SORCS2: variants seen among roughly 807,000 people sequenced by gnomAD.
SORCS2 encodes the protein VPS10 domain-containing receptor SorCS2.
SORCS2 carries 100 observed loss-of-function variants against 141.6 expected under a neutral mutation model. That is an observed-to-expected ratio of 0.71 (90% CI 0.60 to 0.83). SORCS2 has a LOEUF of 0.83. SORCS2 is among the 40% of genes least tolerant of loss of function. SORCS2 has a pLI of 0.00. For synonymous variants in SORCS2, 789 were observed against 676.9 expected, an observed-to-expected ratio of 1.17 and a Z score of -2.57; for missense variants, 1,646 against 1,560.2, an observed-to-expected ratio of 1.05 and a Z score of -0.93.
intron 1 of SORCS2, among the ~76,000 whole-genome samples, chr4:7,388,526 C>T (rs990820330): frequency 4.6e-5 from 7 of 152,096 alleles, no homozygotes; most frequent in South Asian, 2.1e-4. Context: ...TTGAAATCTC[C>T]CAGTCTCCCT....
At chr4:7,473,558 A>C (rs1730109114) in intron 2 of SORCS2, among the ~76,000 whole-genome samples, 1 of 152,212 alleles carries the variant, frequency 6.6e-6, no homozygotes, top group South Asian at 2.1e-4. Context: ...GGCAGGTGGA[A>C]GCCTAAGAAT....
At chr4:7,219,872 C>T (rs918834406) in intron 1 of SORCS2, among the ~76,000 whole-genome samples, 1 of 152,260 alleles carries the variant, frequency 6.6e-6, no homozygotes, top group Non-Finnish European at 1.5e-5. Context: ...TTGCCCGCAG[C>T]AGCCGCACTG....
chr4:7,486,756 G>A lies in SORCS2; in HGVS notation c.549-44774G>A, dbSNP rs567500721. On this transcript the variant is annotated intron_variant, in intron 2 of 26. Coordinates refer to ENST00000507866, the MANE Select transcript of SORCS2 (RefSeq NM_020777.3). Reference sequence around the variant, plus strand: ...GTGGCTCCAGGTGTGCGTGCCCCCAGCCTCTACAGCTGCCCTCCCATGGTG... The same window carrying A: ...GTGGCTCCAGGTGTGCGTGCCCCCAACCTCTACAGCTGCCCTCCCATGGTG... 3.3e-5 allele frequency among the ~76,000 whole-genome samples: 5 copies of A among 152,314 alleles called. No individual in the cohort carries two copies. In the East Asian group the frequency reaches 9.7e-4, roughly 29 times the overall value.
chr4:7,363,339 A>G (rs1239834677), intron 1 of SORCS2, among the ~76,000 whole-genome samples: 1 of 152,068 alleles, frequency 6.6e-6, no homozygotes, highest in Non-Finnish European at 1.5e-5. Flanking sequence ...CATCAATACT[A>G]TCACCACCAC....
At chr4:7,439,067 T>A (rs528676032) in intron 2 of SORCS2, among the ~76,000 whole-genome samples, 1 of 152,092 alleles carries the variant, frequency 6.6e-6, no homozygotes, top group East Asian at 1.9e-4. Flanking sequence ...GAAACCAAGA[T>A]CTGGATATGA....
intron 1 of SORCS2, among the ~76,000 whole-genome samples, chr4:7,344,527 G>A (rs1720543313): frequency 6.6e-6 from 1 of 152,232 alleles, no homozygotes; most frequent in African/African-American, 2.4e-5. Flanking sequence ...CCCACTGGAG[G>A]GCAATGTGCC....
chr4:7,611,487 G>C (rs1718403314), intron 3 of SORCS2, among the ~76,000 whole-genome samples: 2 of 152,168 alleles, frequency 1.3e-5, no homozygotes, highest in Admixed American at 6.5e-5. Flanking sequence ...GTTGGGAGCA[G>C]GTCTCTGGTT....
Position 7,608,116 on chromosome 4 carries a change from T to G in SORCS2, c.649-30212T>G, listed in dbSNP as rs75410240. 6.1e-3 allele frequency among the ~76,000 whole-genome samples: 933 copies of G among 152,222 alleles called. 14 individuals are homozygous for G. The highest frequency in any genetic ancestry group is 0.022 in the African/African-American group (896 of 41,542). On this transcript the variant is annotated intron_variant, in intron 3 of 26. Coordinates refer to ENST00000507866, the MANE Select transcript of SORCS2 (RefSeq NM_020777.3). ...AGTCCCTCTGGGCACCCCTGGGAGC[T>G]AGTGTATGGCACACGCAGTTGTCCC... is the stretch of plus-strand genomic sequence containing the variant.
At chr4:7,214,171 G>T (rs923813739) in intron 1 of SORCS2, among the ~76,000 whole-genome samples, 1 of 152,152 alleles carries the variant, frequency 6.6e-6, no homozygotes, top group Admixed American at 6.5e-5. Flanking sequence ...GGCTGCTGTG[G>T]CTTGAAACCC....
At chr4:7,676,008 C>T (rs764377265) in intron 8 of SORCS2, 42 bp from the exon 9 acceptor site, 12 of 1,549,078 alleles carry the variant, frequency 7.7e-6, no homozygotes, top group Non-Finnish European at 1.0e-5. Flanking sequence ...CGTGCAGCCC[C>T]CAGCCTGGCT....
At chr4:7,445,886 GC>G (rs1454971710) in intron 2 of SORCS2, among the ~76,000 whole-genome samples, 1 of 152,162 alleles carries the variant, frequency 6.6e-6, no homozygotes, top group Non-Finnish European at 1.5e-5. Context: ...ATCCCCACTG[GC>G]CCTGAGAGTA....
chr4:7,581,546 C>T (rs1475487799), intron 3 of SORCS2, among the ~76,000 whole-genome samples: 1 of 152,178 alleles, frequency 6.6e-6, no homozygotes, highest in African/African-American at 2.4e-5. Flanking sequence ...GAGGAGCCCC[C>T]GTTGTGAGTA....
chr4:7,276,124 C>T (rs938433789), intron 1 of SORCS2, among the ~76,000 whole-genome samples: 27 of 152,310 alleles, frequency 1.8e-4, no homozygotes, highest in Admixed American at 4.6e-4. Context: ...AAGTTTCCTT[C>T]CAGCCACCAG....
At chr4:7,712,283 C>T (rs1560503194) in intron 14 of SORCS2, among the ~76,000 whole-genome samples, 1 of 152,232 alleles carries the variant, frequency 6.6e-6, no homozygotes, top group African/African-American at 2.4e-5. Flanking sequence ...GCACGGAACC[C>T]TCACACGGTC....
intron 2 of SORCS2, among the ~76,000 whole-genome samples, chr4:7,427,843 G>GC (rs1033461631): frequency 1.7e-4 from 19 of 112,040 alleles, no homozygotes; most frequent in East Asian, 5.1e-4. Flanking sequence ...CCACACCACC[G>GC]CCCCCCCGCC....
At chr4:7,670,412 A>G (rs55942637) in intron 8 of SORCS2, among the ~76,000 whole-genome samples, 45,660 of 152,226 alleles carry the variant, frequency 0.3, 8,843 homozygotes, top group African/African-American at 0.56. Context: ...TATCAATTAT[A>G]TAAAAGCATT....
intron 6 of SORCS2, among the ~76,000 whole-genome samples, chr4:7,662,718 A>C (rs1407306823): frequency 6.6e-6 from 1 of 152,132 alleles, no homozygotes; most frequent in Admixed American, 6.5e-5. Context: ...ATGAGCACCC[A>C]CTGTCCACAG....
intron 11 of SORCS2, among the ~76,000 whole-genome samples, chr4:7,695,580 ATGGATTGGTGGG>A (rs1560490097): frequency 6.8e-5 from 1 of 14,634 alleles, no homozygotes; most frequent in African/African-American, 2.8e-4. Context: ...GGATGGATGG[ATGGATTGGTGGG>A]TGGGTGGGTG....
In SORCS2 at chr4:7,219,708, G is replaced by A. The variant is rs114507497; in HGVS notation, c.480+26582G>A. On this transcript the variant is annotated intron_variant, in intron 1 of 26. Coordinates refer to ENST00000507866, the MANE Select transcript of SORCS2 (RefSeq NM_020777.3). ...CCACCCCATGATCCAACCACTTCCT[G>A]CTGGGTCCCTCCCATGACACGTGGG... Among the ~76,000 whole-genome samples, 1,478 of 152,274 alleles carry A rather than the reference G, an allele frequency of 9.7e-3. 25 individuals carry two copies. Among genetic ancestry groups the A allele is most frequent in the African/African-American group, 0.035 (1,434 of 41,556 alleles).
Sources: gnomAD v4.1 joint callset for allele counts (sites outside exome capture counted in the v4.1 genomes callset) on GRCh38, gnomAD v4.1.1 for gene constraint, MANE v1.5 for transcripts, NCBI Gene and HGNC (gene_info 2026-07-23, HGNC 2026-07-21) for gene names.